PARD3B: variants seen among roughly 807,000 people sequenced by gnomAD.
The protein encoded by PARD3B is par-3 family cell polarity regulator beta.
In PARD3B, 103 loss-of-function variants were observed where a neutral mutation model predicts 130.2. The observed-to-expected ratio is 0.79, with a 90% confidence interval of 0.67 to 0.93. The LOEUF is 0.93. PARD3B is among the 40% of genes least tolerant of loss of function. The pLI is 0.00. For missense variants in PARD3B, 1,609 were observed against 1,499.2 expected (o/e 1.07, Z -1.21); for synonymous variants, 583 against 553.2 (o/e 1.05, Z -0.76).
chr2:204,811,612 G>T (rs1220323487), intron 2 of PARD3B, among the ~76,000 whole-genome samples: 2 of 152,120 alleles, frequency 1.3e-5, no homozygotes, highest in East Asian at 3.9e-4. Context: ...TGGAAGAATG[G>T]GGTGGGACAA....
At chr2:204,605,092 G>A (rs1553550053) in intron 1 of PARD3B, among the ~76,000 whole-genome samples, 1 of 152,152 alleles carries the variant, frequency 6.6e-6, no homozygotes, top group Non-Finnish European at 1.5e-5. Context: ...GATATGGCCA[G>A]ACAGAGTGCT....
At chr2:204,690,318 A>G (rs1462802091) in intron 2 of PARD3B, among the ~76,000 whole-genome samples, 2 of 152,192 alleles carry the variant, frequency 1.3e-5, no homozygotes, top group Non-Finnish European at 2.9e-5. Flanking sequence ...TGGCGCCTCA[A>G]AAATGTCTAC....
chr2:204,597,255 C>T (rs1200380352), intron 1 of PARD3B, among the ~76,000 whole-genome samples: 1 of 150,508 alleles, frequency 6.6e-6, no homozygotes, highest in Non-Finnish European at 1.5e-5. Flanking sequence ...GGAGCCGATG[C>T]GTGTTTTTTT....
intron 3 of PARD3B, among the ~76,000 whole-genome samples, chr2:205,023,407 T>C (rs966264479): frequency 1.3e-5 from 2 of 150,726 alleles, no homozygotes; most frequent in Non-Finnish European, 2.9e-5. Context: ...GAGTTGCCTC[T>C]GGTAACTCTG....
chr2:204,560,807 T>C (rs557682433), intron 1 of PARD3B, among the ~76,000 whole-genome samples: 1 of 150,894 alleles, frequency 6.6e-6, no homozygotes, highest in Non-Finnish European at 1.5e-5. Context: ...AGAGTGGAGA[T>C]AGAGGGAGCT....
intron 18 of PARD3B, among the ~76,000 whole-genome samples, chr2:205,310,152 T>G (rs1015366670): frequency 6.7e-6 from 1 of 150,342 alleles, no homozygotes; most frequent in Non-Finnish European, 1.5e-5. Context: ...TGGCGCGATC[T>G]TGGCTCATTG....
chr2:205,569,607 T>TG (rs1575388583), intron 22 of PARD3B, among the ~76,000 whole-genome samples: 2 of 152,328 alleles, frequency 1.3e-5, no homozygotes, highest in East Asian at 3.9e-4. Context: ...CCATGCTGAA[T>TG]GGCTTTAGAC....
At chr2:204,730,469 T>C (rs2039456960) in intron 2 of PARD3B, among the ~76,000 whole-genome samples, 1 of 151,680 alleles carries the variant, frequency 6.6e-6, no homozygotes, top group Non-Finnish European at 1.5e-5. Context: ...TGTAGTTTTG[T>C]AAGGTTCAAA....
chr2:205,583,364 C>T (rs927074245), intron 22 of PARD3B, among the ~76,000 whole-genome samples: 3 of 135,682 alleles, frequency 2.2e-5, no homozygotes, highest in Non-Finnish European at 4.9e-5. Context: ...AGTCATCTCT[C>T]TCCTCCTAAG....
intron 19 of PARD3B, among the ~76,000 whole-genome samples, chr2:205,420,572 A>G (rs1054421431): frequency 6.6e-6 from 1 of 152,200 alleles, no homozygotes. Flanking sequence ...GCTTTGCTTC[A>G]GTGGAACTGT....
rs2042903391 is a variant in PARD3B, at chr2:205,325,381, TC to T, written c.2630+23682del. Among the ~76,000 whole-genome samples, 1 of 152,072 alleles carries T rather than the reference TC, an allele frequency of 6.6e-6. No individual in the cohort carries two copies. The highest frequency in any genetic ancestry group is 1.5e-5 in the Non-Finnish European group (1 of 68,020). On this transcript the variant is annotated intron_variant, in intron 18 of 22. Transcript: ENST00000406610. This position sits in a 1 kb window ranked among gnomAD's most constrained non-coding sequence, Gnocchi z 4.1. ...CTGTGACTACAATGCCCTTTCCCCATCCTTCAATCCACACTAACCCCGTGGT... is the reference window on the plus strand; with the variant it reads ...CTGTGACTACAATGCCCTTTCCCCATCTTCAATCCACACTAACCCCGTGGT...
chr2:205,003,805 A>G (rs1695041057), intron 3 of PARD3B, among the ~76,000 whole-genome samples: 1 of 152,202 alleles, frequency 6.6e-6, no homozygotes, highest in South Asian at 2.1e-4. Context: ...CAGATTCTTG[A>G]GAGAATGGCA....
intron 2 of PARD3B, among the ~76,000 whole-genome samples, chr2:204,857,621 G>A (rs986227606): frequency 6.6e-6 from 1 of 152,106 alleles, no homozygotes; most frequent in Non-Finnish European, 1.5e-5. Flanking sequence ...TTGGACAAAG[G>A]GAGTATGATC....
intron 2 of PARD3B, among the ~76,000 whole-genome samples, chr2:204,897,391 T>TG (rs1425316936): frequency 3.3e-5 from 5 of 150,712 alleles, no homozygotes; most frequent in Admixed American, 6.6e-5. Context: ...TACTGTTTTT[T>TG]TTTTTTTTTT....
intron 2 of PARD3B, among the ~76,000 whole-genome samples, chr2:204,698,804 T>C (rs1295076311): frequency 3.3e-5 from 5 of 152,108 alleles, no homozygotes; most frequent in Admixed American, 1.3e-4. Flanking sequence ...TTTAAAATTG[T>C]AGCGTTCCTC....
chr2:205,161,302 G>A (rs892285098), intron 11 of PARD3B, among the ~76,000 whole-genome samples: 5 of 152,236 alleles, frequency 3.3e-5, no homozygotes, highest in Admixed American at 1.3e-4. Context: ...TTCCATTTAT[G>A]TAAATTTCTT....
intron 3 of PARD3B, among the ~76,000 whole-genome samples, chr2:204,996,802 G>A (rs1455257947): frequency 1.4e-5 from 2 of 147,344 alleles, no homozygotes; most frequent in Admixed American, 6.8e-5. Flanking sequence ...TTTTTAAGCC[G>A]GTCTGAAAAG....
chr2:204,965,649 C>T (rs1472137647), intron 3 of PARD3B, among the ~76,000 whole-genome samples: 2 of 152,032 alleles, frequency 1.3e-5, no homozygotes, highest in East Asian at 3.9e-4. Context: ...TTGGGAAAAG[C>T]CAAGGTTTAT....
intron 2 of PARD3B, among the ~76,000 whole-genome samples, chr2:204,936,752 T>C (rs1688490537): frequency 6.6e-6 from 1 of 152,224 alleles, no homozygotes; most frequent in Admixed American, 6.5e-5. Flanking sequence ...ATCTGTCTAA[T>C]GTTAACCATG....
Sources: gnomAD v4.1 joint callset for allele counts (sites outside exome capture counted in the v4.1 genomes callset) on GRCh38, gnomAD v4.1.1 for gene constraint, Gnocchi (gnomAD v3.1) non-coding constraint, MANE v1.5 for transcripts, NCBI Gene and HGNC (gene_info 2026-07-23, HGNC 2026-07-21) for gene names.